Variants in PAM observed in about 807,000 individuals in gnomAD.
PAM encodes peptidylglycine alpha-amidating monooxygenase, also known as peptidyl-glycine alpha-amidating monooxygenase.
Under a neutral mutation model 122.1 loss-of-function variants are expected in PAM, and 72 were observed. The observed-to-expected ratio is 0.59, with a 90% CI of 0.49 to 0.72. The LOEUF (loss-of-function observed/expected upper bound fraction) is 0.72. Ranked by LOEUF, PAM falls within the 30% of genes least tolerant of loss-of-function variation. PAM has a pLI of 0.00. For missense variants in PAM, 1,106 were observed against 1,183.7 expected (o/e 0.93, Z 0.96); for synonymous variants, 389 against 404.4 (o/e 0.96, Z 0.46).
rs5855 is a variant in PAM at position 103,029,482 on chromosome 5, G to A, written c.*417G>A. ...TGTTCAGCATTCTTAGCCTGTGGCA[G>A]TAAAGAGAAACTTTGTGCTACATGA... On this transcript the variant is annotated 3_prime_UTR_variant, in exon 26 of 26. Transcript: ENST00000438793. The A allele has an allele frequency of 0.69, 106,935 of 155,140 alleles. 37,036 individuals carry two copies. Among genetic ancestry groups the A allele is most frequent in the South Asian group, 0.85 (4,110 of 4,856 alleles). The allele number at this position is 155,140 out of a possible 1,614,324, so 9.6% of individuals were successfully genotyped here. A position where few individuals can be genotyped will look rare whatever the true frequency, so the allele number is the denominator to read the frequency against.
intron 23 of PAM, among the ~76,000 whole-genome samples, chr5:103,020,448 A>G (rs73181429): frequency 0.039 from 5,910 of 152,210 alleles, 389 homozygotes; most frequent in African/African-American, 0.14. Context: ...ACATATACAA[A>G]TAAGTATATC....
chr5:102,952,386 A>C (rs1339151454), intron 12 of PAM, among the ~76,000 whole-genome samples: 2 of 152,166 alleles, frequency 1.3e-5, no homozygotes, highest in Non-Finnish European at 2.9e-5. Flanking sequence ...GTCTTTTTTA[A>C]AATGTGCATT....
chr5:103,006,461 T>C (rs553066628), intron 18 of PAM, among the ~76,000 whole-genome samples: 1 of 152,290 alleles, frequency 6.6e-6, no homozygotes, highest in African/African-American at 2.4e-5. Flanking sequence ...ATTGCTCATG[T>C]ATTATCTGGA....
At chr5:102,829,228 G>A (rs913567073) in intron 1 of PAM, among the ~76,000 whole-genome samples, 1 of 151,688 alleles carries the variant, frequency 6.6e-6, no homozygotes, top group African/African-American at 2.4e-5. Context: ...ATGTATTCTC[G>A]GTACACCAAC....
At chr5:102,756,753 G>T (rs1225430571) in intron 1 of PAM, among the ~76,000 whole-genome samples, 1 of 151,642 alleles carries the variant, frequency 6.6e-6, no homozygotes, top group Non-Finnish European at 1.5e-5. Flanking sequence ...GACAGAGCAA[G>T]ACCCTGTCTC....
chr5:102,952,703 C>A lies in PAM; in HGVS notation c.905+1883C>A, dbSNP rs1244978075. On this transcript the variant is annotated intron_variant, in intron 12 of 25. Coordinates refer to ENST00000438793, the MANE Select transcript of PAM (RefSeq NM_001177306.2). ...TTTATTTTTAGACAAATAACAACAG[C>A]AATGTGTCTCTGTTTTATAAAATAA... Among the ~76,000 whole-genome samples, 3 of 152,200 alleles carry A rather than the reference C, an allele frequency of 2.0e-5. No homozygotes were observed. In the East Asian group the frequency reaches 5.8e-4, roughly 29 times the overall value.
At chr5:102,872,126 C>G (rs993521713) in intron 3 of PAM, among the ~76,000 whole-genome samples, 7 of 152,098 alleles carry the variant, frequency 4.6e-5, no homozygotes, top group African/African-American at 1.7e-4. Flanking sequence ...ACATCTTACC[C>G]TTTCTGAACC....
intron 1 of PAM, among the ~76,000 whole-genome samples, chr5:102,818,136 A>G (rs1284368411): frequency 6.6e-6 from 1 of 150,870 alleles, no homozygotes; most frequent in Non-Finnish European, 1.5e-5. Flanking sequence ...AAATCTTAGC[A>G]CTTGTCAAAT....
At chr5:102,809,319 C>A (rs1159002172) in intron 1 of PAM, among the ~76,000 whole-genome samples, 1 of 145,680 alleles carries the variant, frequency 6.9e-6, no homozygotes. Context: ...GGAGACCAGC[C>A]TGAGCAATAA....
At chr5:102,969,275 G>GGAAA (rs1765087786) in intron 14 of PAM, among the ~76,000 whole-genome samples, 1 of 149,238 alleles carries the variant, frequency 6.7e-6, no homozygotes, top group Non-Finnish European at 1.5e-5. Flanking sequence ...TTAGTCCAGT[G>GGAAA]GAAAAAAAAA....
At chr5:102,988,731 AGG>A (rs200764756) in intron 15 of PAM, among the ~76,000 whole-genome samples, 4,033 of 151,772 alleles carry the variant, frequency 0.027, 166 homozygotes, top group African/African-American at 0.091. Context: ...AAAAAAGGGA[AGG>A]AAGGGAAGGA....
At chr5:102,835,259 C>A (rs921234774) in intron 1 of PAM, among the ~76,000 whole-genome samples, 18 of 152,070 alleles carry the variant, frequency 1.2e-4, no homozygotes, top group African/African-American at 4.3e-4. Context: ...GTAGTGATCC[C>A]TTCTCTTTTC....
chr5:102,866,285 G>A lies in PAM; in HGVS notation c.89+1G>A. On this transcript the variant is annotated splice_donor_variant, in intron 2 of 25. Coordinates refer to ENST00000438793, the MANE Select transcript of PAM (RefSeq NM_001177306.2). LOFTEE classifies it high-confidence loss of function. Reference sequence around the variant, plus strand: ...GAAGCCCACTTTCTGTCTTTAAGAGGTGGGTGTTCGTTGTTCGGGTGCTTT... The same window carrying A: ...GAAGCCCACTTTCTGTCTTTAAGAGATGGGTGTTCGTTGTTCGGGTGCTTT... 1 of 1,598,114 alleles carries A rather than the reference G, an allele frequency of 6.3e-7. No homozygotes were observed. Among genetic ancestry groups the A allele is most frequent in the Non-Finnish European group, 8.6e-7 (1 of 1,165,558 alleles).
Position 103,029,086 on chromosome 5 carries a change from T to C in PAM, c.*21T>C, listed in dbSNP as rs370619893. ...CCTGAAAACCAAGCTTTGATTTAGATTGAGTAAGATTTACCCAGAATGTCA... is the reference window on the plus strand; with the variant it reads ...CCTGAAAACCAAGCTTTGATTTAGACTGAGTAAGATTTACCCAGAATGTCA... On this transcript the variant is annotated 3_prime_UTR_variant, in exon 26 of 26. Transcript: ENST00000438793. The C allele has an allele frequency of 3.8e-6, 6 of 1,585,254 alleles. No homozygotes were observed. The highest frequency in any genetic ancestry group is 4.3e-6 in the Non-Finnish European group (5 of 1,166,218).
intron 1 of PAM, among the ~76,000 whole-genome samples, chr5:102,821,613 G>C (rs992407309): frequency 3.3e-5 from 5 of 152,146 alleles, no homozygotes; most frequent in Admixed American, 6.6e-5. Flanking sequence ...AGTACCTACT[G>C]TGTGTCAGAC....
chr5:102,771,670 G>A (rs1755817948), intron 1 of PAM, among the ~76,000 whole-genome samples: 1 of 152,114 alleles, frequency 6.6e-6, no homozygotes, highest in Admixed American at 6.6e-5. Flanking sequence ...TTGAGAGGAG[G>A]AAATGGATGT....
Position 102,830,539 on chromosome 5 carries a change from C to T in PAM, c.-373-35284C>T, listed in dbSNP as rs576065316. 4.6e-5 allele frequency among the ~76,000 whole-genome samples: 7 copies of T among 152,322 alleles called. No individual in the cohort carries two copies. The South Asian group carries it at 1.2e-3, about 27-fold the overall frequency. ...GACTCTCCTCTTACTACACCCTCAG[C>T]TCAGTTCCTTTAATGAGAAGACATT... is the stretch of plus-strand genomic sequence containing the variant. On this transcript the variant is annotated intron_variant, in intron 1 of 25. Coordinates refer to ENST00000438793, the MANE Select transcript of PAM (RefSeq NM_001177306.2).
chr5:102,827,439 A>AT (rs11288361), intron 1 of PAM, among the ~76,000 whole-genome samples: 1 of 151,594 alleles, frequency 6.6e-6, no homozygotes, highest in Non-Finnish European at 1.5e-5. Flanking sequence ...ACATTTTAGT[A>AT]TTTTTTTTAT....
chr5:102,900,306 A>G (rs1797435523), intron 3 of PAM, among the ~76,000 whole-genome samples: 2 of 149,822 alleles, frequency 1.3e-5, no homozygotes, highest in Non-Finnish European at 3.0e-5. Flanking sequence ...AATCCTTATT[A>G]GCAAAATAAA....
Sources: allele counts gnomAD v4.1 joint callset (sites outside exome capture counted in the v4.1 genomes callset), GRCh38; gene constraint gnomAD v4.1.1; transcripts MANE v1.5; gene names NCBI Gene and HGNC (gene_info 2026-07-23, HGNC 2026-07-21).